The following RGL1 variants were observed in gnomAD, a reference collection of about 807,000 sequenced individuals.
RGL1 encodes ral guanine nucleotide dissociation stimulator like 1, also known as ral guanine nucleotide dissociation stimulator-like 1.
A neutral mutation model predicts 95.2 loss-of-function variants in RGL1; 24 were observed. The ratio of observed to expected loss-of-function variants is 0.25; its 90% CI spans 0.18 to 0.35. The LOEUF is 0.35. Among genes scored for constraint, RGL1 ranks in the 10% least tolerant of loss-of-function variants. The pLI is 1.00. For missense variants in RGL1, 715 were observed against 936.3 expected, an observed-to-expected ratio of 0.76 and a Z score of 3.08; for synonymous variants, 329 against 344.9, an observed-to-expected ratio of 0.95 and a Z score of 0.51.
chr1:183,888,061 C>T (rs1667218433), intron 7 of RGL1, among the ~76,000 whole-genome samples: 1 of 152,156 alleles, frequency 6.6e-6, no homozygotes, highest in Admixed American at 6.5e-5. Context: ...TACCATCTGA[C>T]CTCAAAGTGG....
chr1:183,684,551 AG>A (rs1340691492), intron 1 of RGL1, among the ~76,000 whole-genome samples: 1 of 152,160 alleles, frequency 6.6e-6, no homozygotes, highest in African/African-American at 2.4e-5. Flanking sequence ...CCACTGAGCT[AG>A]ACCATTTGCC....
intron 2 of RGL1, chr1:183,754,700 A>T (rs1368508411): frequency 6.6e-6 from 1 of 152,268 alleles, no homozygotes; most frequent in African/African-American, 2.4e-5. Context: ...TGTTCCATAC[A>T]GATGTGAGGG....
chr1:183,636,386 T>A, exon 1 of RGL1: 1 of 390,610 alleles, frequency 2.6e-6, no homozygotes, highest in East Asian at 3.6e-5. Flanking sequence ...TTTCCTGGGA[T>A]TGGAACTACC....
At chr1:183,765,171 A>C (rs896024934) in intron 2 of RGL1, among the ~76,000 whole-genome samples, 1 of 152,188 alleles carries the variant, frequency 6.6e-6, no homozygotes, top group African/African-American at 2.4e-5. Flanking sequence ...GCATCTTTCT[A>C]AGGGGTTCTC....
At chr1:183,746,796 T>A (rs1342478302) in intron 2 of RGL1, among the ~76,000 whole-genome samples, 1 of 152,020 alleles carries the variant, frequency 6.6e-6, no homozygotes, top group Admixed American at 6.6e-5. Context: ...TCTCTCCCCT[T>A]GCCCCCCATC....
chr1:183,906,285 A>G (rs1668316504), intron 13 of RGL1, among the ~76,000 whole-genome samples: 1 of 152,206 alleles, frequency 6.6e-6, no homozygotes, highest in Non-Finnish European at 1.5e-5. Context: ...TACAGCTACA[A>G]GCTTTCATAA....
chr1:183,787,967 T>C lies in RGL1; in HGVS notation c.133-18408T>C, dbSNP rs12091585. ...AGCAGATGCAGATGCTGGTGGTGCA[T>C]CTGCAGAGCCATGAGTCAAATAAGC... On this transcript the variant is annotated intron_variant, in intron 2 of 18. Transcript: ENST00000304685. 1.8e-3 allele frequency among the ~76,000 whole-genome samples: 274 copies of C among 152,204 alleles called. 6 individuals carry two copies. The East Asian group carries it at 0.042, about 23-fold the overall frequency.
intron 2 of RGL1, among the ~76,000 whole-genome samples, chr1:183,752,781 G>C (rs1276305535): frequency 6.9e-6 from 1 of 144,430 alleles, no homozygotes; most frequent in Non-Finnish European, 1.5e-5. Context: ...GATGACTATA[G>C]AATTATAGTT....
At chr1:183,823,778 G>A (rs1662658648) in intron 2 of RGL1, among the ~76,000 whole-genome samples, 1 of 152,064 alleles carries the variant, frequency 6.6e-6, no homozygotes, top group South Asian at 2.1e-4. Context: ...TGGAAAGTTA[G>A]TTTGATATGA....
intron 3 of RGL1, among the ~76,000 whole-genome samples, chr1:183,854,330 C>G (rs907571352): frequency 6.6e-6 from 1 of 152,128 alleles, no homozygotes; most frequent in Non-Finnish European, 1.5e-5. Context: ...TCCCTGACCT[C>G]GATCAGCTTT....
At chr1:183,872,660 T>G (rs184417005) in intron 4 of RGL1, among the ~76,000 whole-genome samples, 3 of 152,300 alleles carry the variant, frequency 2.0e-5, no homozygotes, top group African/African-American at 7.2e-5. Flanking sequence ...TCGGATACAC[T>G]TTAAAGAGAA....
chr1:183,883,509 C>G (rs112506353), intron 5 of RGL1, among the ~76,000 whole-genome samples: 1 of 152,168 alleles, frequency 6.6e-6, no homozygotes, highest in Non-Finnish European at 1.5e-5. Context: ...AGGGCTCTCT[C>G]TAGACTTTGC....
At chr1:183,773,085 A>G (rs994313172) in intron 2 of RGL1, among the ~76,000 whole-genome samples, 1 of 149,474 alleles carries the variant, frequency 6.7e-6, no homozygotes, top group African/African-American at 2.5e-5. Context: ...ATGCCTTTGT[A>G]CATTATATTG....
intron 12 of RGL1, 84 bp from the exon 13 acceptor site, chr1:183,904,766 A>G: frequency 7.2e-7 from 1 of 1,395,218 alleles, no homozygotes; most frequent in Non-Finnish European, 9.7e-7. Flanking sequence ...AATGTGGTAT[A>G]TTTTCATGTT....
At chr1:183,760,568 CAA>C (rs58715145) in intron 2 of RGL1, among the ~76,000 whole-genome samples, 7,461 of 50,436 alleles carry the variant, frequency 0.15, 81 homozygotes, top group African/African-American at 0.27. Context: ...CCAGTCTCTG[CAA>C]AAAAAAAAAA....
chr1:183,776,234 C>T (rs1659591457), intron 2 of RGL1, among the ~76,000 whole-genome samples: 2 of 149,368 alleles, frequency 1.3e-5, no homozygotes, highest in African/African-American at 2.5e-5. Flanking sequence ...CTGCAAGCTC[C>T]GCCTCCCGGG....
upstream of RGL1, among the ~76,000 whole-genome samples, chr1:183,801,752 T>A (rs1222571493): frequency 6.6e-6 from 1 of 152,148 alleles, no homozygotes; most frequent in African/African-American, 2.4e-5. Flanking sequence ...TCAAGCCACT[T>A]TAGTTCATGG....
At chr1:183,806,333 A>G (rs1661334130) in intron 1 of RGL1, 42 bp from the exon 2 acceptor site, 1 of 1,546,774 alleles carries the variant, frequency 6.5e-7, no homozygotes, top group Non-Finnish European at 8.9e-7. Context: ...GCAGAGAGGA[A>G]AAAAATACTC....
chr1:183,852,316 G>A (rs758982455), intron 3 of RGL1, among the ~76,000 whole-genome samples: 5 of 152,080 alleles, frequency 3.3e-5, no homozygotes, highest in Non-Finnish European at 5.9e-5. Context: ...TTGAATTCAC[G>A]TATAGCTAAT....
Sources: gnomAD v4.1 joint callset for allele counts (sites outside exome capture counted in the v4.1 genomes callset) on GRCh38, gnomAD v4.1.1 for gene constraint, MANE v1.5 for transcripts, NCBI Gene and HGNC (gene_info 2026-07-23, HGNC 2026-07-21) for gene names.